The following SRPK2 variants were observed in gnomAD, a reference collection of about 807,000 sequenced individuals.
SRPK2 encodes SFRS protein kinase 2.
SRPK2 carries 21 observed loss-of-function variants against 90.8 expected under a neutral mutation model. That is an observed-to-expected ratio of 0.23 (90% CI 0.16 to 0.33). The LOEUF is 0.33. Ranked by LOEUF, SRPK2 falls within the 10% of genes least tolerant of loss-of-function variation. The pLI, the probability that SRPK2 is intolerant of heterozygous loss-of-function variation, is 1.00. For missense variants in SRPK2, 620 were observed against 869.0 expected, an observed-to-expected ratio of 0.71 and a Z score of 3.60; for synonymous variants, 288 against 311.1, an observed-to-expected ratio of 0.93 and a Z score of 0.78.
chr7:105,333,917 T>TTTTTG (rs1002414114), intron 2 of SRPK2, among the ~76,000 whole-genome samples: 1 of 152,130 alleles, frequency 6.6e-6, no homozygotes, highest in Non-Finnish European at 1.5e-5. Flanking sequence ...TCTGAGTTTG[T>TTTTTG]TTTTGTTTTG....
At chr7:105,361,396 A>T (rs1035322391) in intron 2 of SRPK2, among the ~76,000 whole-genome samples, 8 of 152,142 alleles carry the variant, frequency 5.3e-5, no homozygotes, top group African/African-American at 1.4e-4. Flanking sequence ...ATGGCCATAC[A>T]GCCCAAGGTA....
chr7:105,319,526 T>G lies in SRPK2; in HGVS notation c.71+69122A>C, dbSNP rs1449901767. Among the ~76,000 whole-genome samples, 73 of 33,626 alleles carry G rather than the reference T, an allele frequency of 2.2e-3. No individual in the cohort carries two copies. In the Middle Eastern group the frequency reaches 0.05, roughly 23 times the overall value. The allele number at this position is 33,626 out of a possible 152,430, so 22.1% of individuals were successfully genotyped here. A position where few individuals can be genotyped will look rare whatever the true frequency, so the allele number is the denominator to read the frequency against. ...CGGCGGGGGGGGGGGGGGCGGTGGA[T>G]GGCAGGGGGAGAATATAAGCCCCTT... is the stretch of plus-strand genomic sequence containing the variant. On this transcript the variant is annotated intron_variant, in intron 2 of 15. Coordinates refer to ENST00000393651, the MANE Select transcript of SRPK2 (RefSeq NM_182692.3).
At chr7:105,186,766 G>T (rs760232742) in intron 3 of SRPK2, among the ~76,000 whole-genome samples, 1 of 152,196 alleles carries the variant, frequency 6.6e-6, no homozygotes, top group South Asian at 2.1e-4. Context: ...GTCATAAAAG[G>T]AACACAGCTT....
chr7:105,271,360 A>G (rs1288805519), intron 2 of SRPK2, among the ~76,000 whole-genome samples: 1 of 152,218 alleles, frequency 6.6e-6, no homozygotes, highest in Non-Finnish European at 1.5e-5. Context: ...GAGGATTCTA[A>G]TAATACATGA....
chr7:105,258,830 T>C (rs1803758886), intron 2 of SRPK2, among the ~76,000 whole-genome samples: 1 of 152,154 alleles, frequency 6.6e-6, no homozygotes, highest in Non-Finnish European at 1.5e-5. Context: ...TCAACAAAAT[T>C]CAACAGCCCT....
At chr7:105,279,027 G>T (rs1270157752) in intron 2 of SRPK2, among the ~76,000 whole-genome samples, 3 of 152,094 alleles carry the variant, frequency 2.0e-5, no homozygotes, top group African/African-American at 7.2e-5. Flanking sequence ...TTCAGATTGT[G>T]ATTTCATTTT....
At chr7:105,144,241 A>AT (rs35535485) in intron 9 of SRPK2, among the ~76,000 whole-genome samples, 11,084 of 117,112 alleles carry the variant, frequency 0.095, 2,015 homozygotes, top group African/African-American at 0.33. Flanking sequence ...CACCCGGCTA[A>AT]TTTTTTTTTT....
At chr7:105,195,601 T>C (rs1794821269) in intron 3 of SRPK2, among the ~76,000 whole-genome samples, 2 of 152,240 alleles carry the variant, frequency 1.3e-5, no homozygotes, top group African/African-American at 4.8e-5. Context: ...TAGGGCTTCT[T>C]ACACCTTGTT....
intron 2 of SRPK2, among the ~76,000 whole-genome samples, chr7:105,222,131 C>T (rs978153036): frequency 1.3e-5 from 2 of 152,172 alleles, no homozygotes; most frequent in African/African-American, 4.8e-5. Context: ...GCATCTTTGT[C>T]TATACCTTAC....
upstream of SRPK2, among the ~76,000 whole-genome samples, chr7:105,390,009 T>C (rs1009346079): frequency 1.8e-4 from 28 of 152,148 alleles, no homozygotes; most frequent in Admixed American, 1.8e-3. Context: ...ACAAGGAAAA[T>C]ACAATTAACA....
At chr7:105,362,538 C>T (rs1222578297) in intron 2 of SRPK2, among the ~76,000 whole-genome samples, 1 of 148,010 alleles carries the variant, frequency 6.8e-6, no homozygotes, top group Non-Finnish European at 1.5e-5. Context: ...AAAAAAAAGT[C>T]AGGAAACAAC....
Position 105,169,222 on chromosome 7 carries a change from C to A in SRPK2, c.273G>T (p.Arg91=). Residue 91 remains arginine, a synonymous_variant, in exon 4 of 16, where the codon CGG becomes CGT. Coordinates refer to ENST00000393651, the MANE Select transcript of SRPK2 (RefSeq NM_182692.3). The stretch of plus-strand genomic sequence containing the variant: ...ATCCAAGCTTTCTAATAACATGATA[C>A]CGGCCATTGAAGAGGTCTCCAATTT... The part of the protein sequence containing the change: ...PVKIGDLFNG[R]YHVIRKLGWG... 2 of 1,613,882 alleles carry A rather than the reference C, an allele frequency of 1.2e-6. No individual in the cohort carries two copies. Among genetic ancestry groups the A allele is most frequent in the Non-Finnish European group, 1.7e-6 (2 of 1,179,926 alleles).
In SRPK2 at chr7:105,280,932, G is replaced by C. The variant is rs371004732; in HGVS notation, c.72-77147C>G. On this transcript the variant is annotated intron_variant, in intron 2 of 15. Coordinates refer to ENST00000393651, the MANE Select transcript of SRPK2 (RefSeq NM_182692.3). ...ACTGCACTCCAGCCTGGGCGACAGAGCGAAGACTCCATCTCAAAAAAAAAA... is the reference window on the plus strand; with the variant it reads ...ACTGCACTCCAGCCTGGGCGACAGACCGAAGACTCCATCTCAAAAAAAAAA... 3.4e-4 allele frequency among the ~76,000 whole-genome samples: 37 copies of C among 107,820 alleles called. 1 individual carries two copies. In the South Asian group the frequency reaches 0.013, roughly 37 times the overall value. The allele number at this position is 107,820 out of a possible 152,430, so 70.7% of individuals were successfully genotyped here. A position where few individuals can be genotyped will look rare whatever the true frequency, so the allele number is the denominator to read the frequency against.
chr7:105,370,339 A>G (rs930119780), intron 2 of SRPK2, among the ~76,000 whole-genome samples: 1 of 152,146 alleles, frequency 6.6e-6, no homozygotes, highest in Admixed American at 6.5e-5. Context: ...CCAGAGACAC[A>G]TCTAAATTTC....
intron 2 of SRPK2, among the ~76,000 whole-genome samples, chr7:105,380,947 T>TA (rs869039181): frequency 0.022 from 2,282 of 104,052 alleles, 26 homozygotes; most frequent in Middle Eastern, 0.044. Flanking sequence ...TTTATTACTT[T>TA]AAAAAAAAAA....
intron 2 of SRPK2, among the ~76,000 whole-genome samples, chr7:105,219,241 T>C (rs1166258743): frequency 2.0e-5 from 3 of 152,092 alleles, no homozygotes; most frequent in Non-Finnish European, 4.4e-5. Flanking sequence ...GGCACAAGGA[T>C]ATATAGTACT....
intron 2 of SRPK2, among the ~76,000 whole-genome samples, chr7:105,213,339 G>C (rs969807374): frequency 3.3e-5 from 5 of 152,162 alleles, no homozygotes; most frequent in African/African-American, 1.2e-4. Flanking sequence ...AAAATCTATA[G>C]CTGAAAAGTA....
intron 2 of SRPK2, among the ~76,000 whole-genome samples, chr7:105,312,464 G>C (rs1054023174): frequency 8.0e-6 from 1 of 124,988 alleles, no homozygotes. Flanking sequence ...ACAAGCGGGG[G>C]TAGATGAACC....
intron 2 of SRPK2, among the ~76,000 whole-genome samples, chr7:105,232,426 T>C (rs554963997): frequency 3.3e-4 from 47 of 140,556 alleles, no homozygotes; most frequent in African/African-American, 1.2e-3. Context: ...GCCATTGCAC[T>C]CCAGCCTGGG....
Sources: gnomAD v4.1 joint callset for allele counts (sites outside exome capture counted in the v4.1 genomes callset) on GRCh38, gnomAD v4.1.1 for gene constraint, MANE v1.5 for transcripts, NCBI Gene and HGNC (gene_info 2026-07-23, HGNC 2026-07-21) for gene names.